Variants in ARMC2 observed in about 807,000 individuals in gnomAD.
The protein encoded by ARMC2 is armadillo repeat containing 2.
In ARMC2, 67 loss-of-function variants were observed where a neutral mutation model predicts 90.3. That is an observed-to-expected ratio of 0.74 (90% CI 0.61 to 0.91). ARMC2 has a LOEUF of 0.91. Among genes scored for constraint, ARMC2 ranks in the 40% least tolerant of loss-of-function variants. The probability of loss-of-function intolerance (pLI) is 0.00; values close to 1 mark genes in which losing one functional copy is unlikely to be tolerated. For missense variants in ARMC2, 920 were observed against 1,030.9 expected, an observed-to-expected ratio of 0.89 and a Z score of 1.47; for synonymous variants, 393 against 393.0, an observed-to-expected ratio of 1.00 and a Z score of 0.00.
chr6:109,003,966 T>C, the ARMC2 span, among the ~76,000 whole-genome samples: 10 of 152,236 alleles, frequency 6.6e-5, no homozygotes, highest in Admixed American at 6.5e-4. Flanking sequence ...AATGCCTGTT[T>C]CAAGGGTTTA....
At chr6:108,938,599 C>CTTTTTTTTTTTTTTTTTTTTTTT (rs4027582) in intron 12 of ARMC2, among the ~76,000 whole-genome samples, 21 of 83,100 alleles carry the variant, frequency 2.5e-4, no homozygotes, top group Non-Finnish European at 3.8e-4. Flanking sequence ...CCATTACTAC[C>CTTTTTTTTTTTTTTTTTTTTTTT]TTTTTTTTTT....
intron 11 of ARMC2, among the ~76,000 whole-genome samples, chr6:108,930,584 C>A (rs934738063): frequency 8.1e-5 from 12 of 148,810 alleles, no homozygotes; most frequent in Non-Finnish European, 1.5e-4. Context: ...CAAATGCTTG[C>A]CCTGAATCTT....
intron 5 of ARMC2, among the ~76,000 whole-genome samples, chr6:108,887,274 T>C (rs1770463284): frequency 6.6e-6 from 1 of 152,134 alleles, no homozygotes; most frequent in Admixed American, 6.5e-5. Flanking sequence ...GGTCCAAAAG[T>C]AGATATTGTC....
At chr6:108,917,645 A>T (rs1057339999) in intron 10 of ARMC2, among the ~76,000 whole-genome samples, 5 of 151,944 alleles carry the variant, frequency 3.3e-5, no homozygotes, top group African/African-American at 1.2e-4. Flanking sequence ...TTATTTTTTA[A>T]ATTTTAATAT....
Position 108,870,493 on chromosome 6 carries a change from AAGAAAGAGAGAG to A in ARMC2, c.463+1512_463+1523del, listed in dbSNP as rs1273526295. Among the ~76,000 whole-genome samples, 4 of 151,510 alleles carry A rather than the reference AAGAAAGAGAGAG, an allele frequency of 2.6e-5. No homozygotes were observed. The East Asian group carries it at 5.8e-4, about 22-fold the overall frequency. ...AGAGTTAGAATAAAGGAGAAAAAGA[AAGAAAGAGAGAG>A]AGAAAGAGAGAGACAGAAAGAGAAA... On this transcript the variant is annotated intron_variant, in intron 4 of 17. Transcript: ENST00000392644.
At chr6:108,964,714 C>G (rs949304652) in intron 16 of ARMC2, among the ~76,000 whole-genome samples, 1 of 151,518 alleles carries the variant, frequency 6.6e-6, no homozygotes, top group African/African-American at 2.4e-5. Flanking sequence ...ACAGAGGTTG[C>G]AGTGAGTGGA....
Position 108,909,448 on chromosome 6 carries a change from C to CT in ARMC2, c.1024-1446dup, listed in dbSNP as rs200313209. On this transcript the variant is annotated intron_variant, in intron 8 of 17. Transcript: ENST00000392644. ...ATTCCGTCAGTAATCCTATACTTTG[C>CT]TTTTTAAAAAAAAAAACACTATATT... is the stretch of plus-strand genomic sequence containing the variant. Among the ~76,000 whole-genome samples, 7 of 150,818 alleles carry CT rather than the reference C, an allele frequency of 4.6e-5. No homozygotes were observed. The East Asian group carries it at 9.7e-4, about 21-fold the overall frequency.
chr6:108,904,142 G>A (rs925524971), intron 7 of ARMC2, 88 bp from the exon 8 acceptor site: 5 of 1,405,488 alleles, frequency 3.6e-6, no homozygotes, highest in Non-Finnish European at 4.9e-6. Flanking sequence ...AATAATTATG[G>A]GGTTTTTACT....
At chr6:108,886,321 G>T (rs1250806064) in intron 5 of ARMC2, among the ~76,000 whole-genome samples, 2 of 152,172 alleles carry the variant, frequency 1.3e-5, no homozygotes, top group Admixed American at 6.5e-5. Context: ...ACTTTGGGAG[G>T]CCAAGGTGGG....
the ARMC2 span, among the ~76,000 whole-genome samples, chr6:109,044,923 T>C: frequency 2.6e-5 from 4 of 151,906 alleles, no homozygotes; most frequent in Admixed American, 2.6e-4. Context: ...CTTGGGCAGC[T>C]GAGGCAAGAG....
Position 108,894,531 on chromosome 6 carries a change from C to A in ARMC2, c.736C>A (p.Gln246Lys). The change falls in exon 6 of 18, where the codon CAA becomes AAA. Residue 246 changes from glutamine (Q) to lysine (K), a missense_variant. Transcript: ENST00000392644. ...CPSSSDLSRLQTKAVPKADLQ... is the reference protein window; with the variant it reads ...CPSSSDLSRLKTKAVPKADLQ... ...CAGTAGCTCAGACCTGAGCAGGCTG[C>A]AAACCAAAGCAGGTGAGGGGTCCCC... is the stretch of plus-strand genomic sequence containing the variant. The A allele has an allele frequency of 2.5e-6, 4 of 1,604,224 alleles. No individual in the cohort carries two copies. The highest frequency in any genetic ancestry group is 3.4e-6 in the Non-Finnish European group (4 of 1,175,986).
chr6:108,966,482 T>C (rs2128516717), intron 17 of ARMC2, among the ~76,000 whole-genome samples: 1 of 152,316 alleles, frequency 6.6e-6, no homozygotes. Context: ...TCTTTAAGTG[T>C]TGTAACACCG....
the ARMC2 span, among the ~76,000 whole-genome samples, chr6:109,036,735 C>T: frequency 6.6e-6 from 1 of 152,180 alleles, no homozygotes; most frequent in East Asian, 1.9e-4. Context: ...GGAAGTGCTA[C>T]CACAATTTTA....
At chr6:108,993,148 C>T in the ARMC2 span, 2 of 364,950 alleles carry the variant, frequency 5.5e-6, no homozygotes, top group South Asian at 8.1e-5. Flanking sequence ...TTTCATAGAT[C>T]CTTTCTCTCT....
chr6:109,044,892 G>A, the ARMC2 span, among the ~76,000 whole-genome samples: 3 of 152,088 alleles, frequency 2.0e-5, no homozygotes, highest in African/African-American at 4.8e-5. Flanking sequence ...GCGTGGTGGC[G>A]CATGCCTGTA....
At chr6:108,893,262 T>C (rs1177418525) in intron 5 of ARMC2, among the ~76,000 whole-genome samples, 1 of 152,240 alleles carries the variant, frequency 6.6e-6, no homozygotes, top group Non-Finnish European at 1.5e-5. Context: ...ATTTTCAGTT[T>C]TTTAATGTTT....
intron 15 of ARMC2, 24 bp downstream of exon 15, chr6:108,962,151 A>G (rs754873873): frequency 1.3e-6 from 2 of 1,533,906 alleles, no homozygotes; most frequent in Non-Finnish European, 1.8e-6. Context: ...ACTAGAATTC[A>G]TAAACATTCA....
At chr6:109,046,379 T>A in the ARMC2 span, among the ~76,000 whole-genome samples, 1 of 151,582 alleles carries the variant, frequency 6.6e-6, no homozygotes, top group Non-Finnish European at 1.5e-5. Flanking sequence ...TCTCGTTCAC[T>A]CAGTGCTCAA....
chr6:108,897,245 G>C (rs899986576), intron 6 of ARMC2, among the ~76,000 whole-genome samples: 1 of 152,200 alleles, frequency 6.6e-6, no homozygotes, highest in Non-Finnish European at 1.5e-5. Context: ...CCCTACAGGG[G>C]TGGTACGTAA....
Sources: allele counts gnomAD v4.1 joint callset (sites outside exome capture counted in the v4.1 genomes callset), GRCh38; gene constraint gnomAD v4.1.1; transcripts MANE v1.5; gene names NCBI Gene and HGNC (gene_info 2026-07-23, HGNC 2026-07-21).